The following ACSL5 variants were observed in gnomAD, a reference collection of about 807,000 sequenced individuals.
The protein encoded by ACSL5 is long-chain-fatty-acid--CoA ligase 5.
A neutral mutation model predicts 84.9 loss-of-function variants in ACSL5; 50 were observed. That is an observed-to-expected ratio of 0.59 (90% CI 0.47 to 0.75). The LOEUF is 0.75. Ranked by LOEUF, ACSL5 falls within the 30% of genes least tolerant of loss-of-function variation. The probability of loss-of-function intolerance (pLI) is 0.00; values close to 1 mark genes in which losing one functional copy is unlikely to be tolerated. For synonymous variants in ACSL5, 280 were observed against 300.7 expected (o/e 0.93, Z 0.71); for missense variants, 775 against 830.4 (o/e 0.93, Z 0.82).
intron 11 of ACSL5, chr10:112,412,310 T>C: frequency 4.2e-6 from 1 of 236,532 alleles, no homozygotes; most frequent in East Asian, 9.2e-5. Context: ...TTTTTAAATT[T>C]TATTTTGGTT....
Position 112,422,050 on chromosome 10 carries a change from C to T in ACSL5, c.1476+15C>T, listed in dbSNP as rs775939744. The T allele has an allele frequency of 5.0e-6, 8 of 1,612,420 alleles. No homozygotes were observed. Among genetic ancestry groups the T allele is most frequent in the South Asian group, 1.1e-5 (1 of 91,044 alleles). ...ATGAAGGAGAGGTGGGTAGGTCATG[C>T]CCTGTGGTCAGACAGTCATGGTGGG... On this transcript the variant is annotated intron_variant, in intron 16 of 20. Transcript: ENST00000354655.
chr10:112,409,367 A>G (rs1175382217), intron 6 of ACSL5, 140 bp from the exon 7 acceptor site: 2 of 665,194 alleles, frequency 3.0e-6, no homozygotes, highest in East Asian at 5.2e-5. Flanking sequence ...CAGGTTGTAC[A>G]TTATAAATCT....
At chr10:112,402,207 A>G (rs1304020535) in intron 3 of ACSL5, among the ~76,000 whole-genome samples, 1 of 152,106 alleles carries the variant, frequency 6.6e-6, no homozygotes, top group East Asian at 1.9e-4. Context: ...AGCTCAAGTG[A>G]TCTGCCAACC....
chr10:112,403,689 T>G (rs191850730), intron 3 of ACSL5, among the ~76,000 whole-genome samples: 2 of 152,326 alleles, frequency 1.3e-5, no homozygotes, highest in Admixed American at 6.5e-5. Context: ...CAGTAAGCAG[T>G]GTGGTCTAGG....
chr10:112,401,832 CT>C (rs1554862722), intron 3 of ACSL5, among the ~76,000 whole-genome samples: 2,872 of 95,362 alleles, frequency 0.03, 30 homozygotes, highest in Middle Eastern at 0.069. Flanking sequence ...TTCTTTCTTT[CT>C]TTCTTTCTTC....
chr10:112,414,770 A>G (rs1340510474), intron 12 of ACSL5, among the ~76,000 whole-genome samples: 1 of 152,152 alleles, frequency 6.6e-6, no homozygotes, highest in Non-Finnish European at 1.5e-5. Flanking sequence ...CTCATCTTGT[A>G]TATTTCTCAC....
At chr10:112,401,802 T>A (rs867551068) in intron 3 of ACSL5, among the ~76,000 whole-genome samples, 1 of 70,656 alleles carries the variant, frequency 1.4e-5, no homozygotes, top group African/African-American at 4.6e-5. Flanking sequence ...CTTTCTTTCT[T>A]TCTTTCTTTC....
intron 1 of ACSL5, among the ~76,000 whole-genome samples, chr10:112,390,671 GATA>G (rs1849541670): frequency 6.6e-6 from 1 of 151,584 alleles, no homozygotes; most frequent in African/African-American, 2.4e-5. Context: ...TAGATAGATA[GATA>G]GATAGATAGA....
At chr10:112,386,446 G>A (rs369292778) in intron 1 of ACSL5, among the ~76,000 whole-genome samples, 3 of 151,730 alleles carry the variant, frequency 2.0e-5, no homozygotes, top group African/African-American at 7.3e-5. Context: ...CGCCCGCCTC[G>A]GCCTTCCAAA....
In ACSL5 at chr10:112,411,679, G is replaced by A. The variant is rs59138637; in HGVS notation, c.870+150G>A. 757 of 884,042 alleles carry A rather than the reference G, an allele frequency of 8.6e-4. 3 individuals carry two copies. In the African/African-American group the frequency reaches 0.011, roughly 12 times the overall value. The allele number at this position is 884,042 out of a possible 1,614,324, so 54.8% of individuals were successfully genotyped here. A position where few individuals can be genotyped will look rare whatever the true frequency, so the allele number is the denominator to read the frequency against. On this transcript the variant is annotated intron_variant, in intron 10 of 20. Transcript: ENST00000354655. ...GGCTGGAGTGTGGACAAACACCAGC[G>A]TGTTCTTTGTTTAGAGGACTGTACA...
intron 1 of ACSL5, among the ~76,000 whole-genome samples, chr10:112,382,157 A>G (rs1358773087): frequency 6.6e-6 from 1 of 152,234 alleles, no homozygotes; most frequent in Non-Finnish European, 1.5e-5. Flanking sequence ...TGGATACATT[A>G]TGAGGGAACC....
rs11286757 is a variant in ACSL5, at chr10:112,386,181, C to CTTTTT, written c.-29-8711_-29-8707dup. ...TGACCAATAGAAAACTCCTATAGCT[C>CTTTTT]TTTTTTTTTTTTTTTTTTTTTTTTT... is the stretch of plus-strand genomic sequence containing the variant. On this transcript the variant is annotated intron_variant, in intron 1 of 20. Coordinates refer to ENST00000354655, the MANE Select transcript of ACSL5 (RefSeq NM_203379.2). Among the ~76,000 whole-genome samples the CTTTTT allele has an allele frequency of 1.5e-4, 11 of 71,794 alleles. 1 individual carries two copies. Among genetic ancestry groups the CTTTTT allele is most frequent in the East Asian group, 4.3e-4 (1 of 2,342 alleles). The allele number at this position is 71,794 out of a possible 152,430, so 47.1% of individuals were successfully genotyped here. A position where few individuals can be genotyped will look rare whatever the true frequency, so the allele number is the denominator to read the frequency against.
intron 1 of ACSL5, among the ~76,000 whole-genome samples, chr10:112,374,569 C>G (rs927540787): frequency 1.3e-5 from 2 of 152,136 alleles, no homozygotes; most frequent in Admixed American, 1.3e-4. Flanking sequence ...ATGTGGGTCT[C>G]CTTCATCTTC....
At chr10:112,422,992 T>G (rs1477453682) in intron 17 of ACSL5, among the ~76,000 whole-genome samples, 3 of 146,914 alleles carry the variant, frequency 2.0e-5, no homozygotes, top group East Asian at 4.0e-4. Context: ...ATCGAGACCA[T>G]CCTGGCTAAC....
chr10:112,421,592 G>A lies in ACSL5; in HGVS notation c.1315-1G>A. 1 of 1,613,922 alleles carries A rather than the reference G, an allele frequency of 6.2e-7. No homozygotes were observed. The highest frequency in any genetic ancestry group is 1.3e-5 in the African/African-American group (1 of 75,032). On this transcript the variant is annotated splice_acceptor_variant, in intron 14 of 20. Coordinates refer to ENST00000354655, the MANE Select transcript of ACSL5 (RefSeq NM_203379.2). LOFTEE classifies it high-confidence loss of function. ...CTAAAAGCTCTTCTTTGGTTTCCCA[G>A]GTGTATGAAGCTTATGGTCAAACAG...
chr10:112,395,214 C>A, intron 2 of ACSL5, 112 bp downstream of exon 2: 2 of 1,062,998 alleles, frequency 1.9e-6, no homozygotes, highest in Non-Finnish European at 2.7e-6. Context: ...GAAAGTAAAG[C>A]TTTCATGTTA....
chr10:112,413,411 T>C (rs953418518), intron 12 of ACSL5, 104 bp downstream of exon 12: 3 of 1,375,698 alleles, frequency 2.2e-6, no homozygotes, highest in Non-Finnish European at 3.0e-6. Context: ...CCTCTACAAG[T>C]ATCTACGTAA....
chr10:112,415,592 G>A (rs1489182877), intron 12 of ACSL5, among the ~76,000 whole-genome samples: 2 of 152,230 alleles, frequency 1.3e-5, no homozygotes, highest in African/African-American at 4.8e-5. Context: ...GGAAGCATTT[G>A]AGCATGGATC....
At chr10:112,380,194 T>C (rs1005750724) in intron 1 of ACSL5, among the ~76,000 whole-genome samples, 3 of 152,220 alleles carry the variant, frequency 2.0e-5, no homozygotes, top group African/African-American at 7.2e-5. Flanking sequence ...CCTGAGCTCC[T>C]GTGGGATTTG....
Sources: allele counts gnomAD v4.1 joint callset (sites outside exome capture counted in the v4.1 genomes callset), GRCh38; gene constraint gnomAD v4.1.1; transcripts MANE v1.5; gene names NCBI Gene and HGNC (gene_info 2026-07-23, HGNC 2026-07-21).